CTSB: variants seen among roughly 807,000 people sequenced by gnomAD.
CTSB encodes APP secretase.
CTSB carries 57 observed loss-of-function variants against 44.3 expected under a neutral mutation model. The observed-to-expected ratio is 1.29, with a 90% CI of 1.04 to 1.60. The LOEUF is 1.60. Ranked by LOEUF, CTSB falls within the 40% of genes most tolerant of loss-of-function variation. The pLI is 0.00. For missense variants in CTSB, 768 were observed against 443.0 expected, an observed-to-expected ratio of 1.73 and a Z score of -6.59; for synonymous variants, 320 against 168.0, an observed-to-expected ratio of 1.91 and a Z score of -7.00.
chr8:11,862,124 G>T (rs1036805831), intron 1 of CTSB, among the ~76,000 whole-genome samples: 19 of 149,868 alleles, frequency 1.3e-4, no homozygotes, highest in African/African-American at 4.5e-4. Context: ...GGAGAATGGC[G>T]TGAACCCGGG....
intron 7 of CTSB, 106 bp downstream of exon 7, chr8:11,847,573 G>A (rs373000412): frequency 2.6e-5 from 33 of 1,282,782 alleles, no homozygotes; most frequent in South Asian, 2.2e-4. Context: ...CTAGAGTTCC[G>A]GGACCCCAAG....
In CTSB at chr8:11,844,881, G is replaced by C. The variant is rs778862896; in HGVS notation, c.*244C>G. 1 of 511,758 alleles carries C rather than the reference G, an allele frequency of 2.0e-6. No individual in the cohort carries two copies. The highest frequency in any genetic ancestry group is 3.5e-6 in the Non-Finnish European group (1 of 284,836). The allele number at this position is 511,758 out of a possible 1,614,324, so 31.7% of individuals were successfully genotyped here. The stretch of plus-strand genomic sequence containing the variant: ...AGCTGGGGCAGCAGGTACTCCCTAC[G>C]GCACTAGTCTACAGGGGGAAGGACG... On this transcript the variant is annotated 3_prime_UTR_variant, in exon 10 of 10. Coordinates refer to ENST00000353047, the MANE Select transcript of CTSB (RefSeq NM_001908.5).
chr8:11,847,107 G>A lies in CTSB; in HGVS notation c.738C>T (p.Asn246=), dbSNP rs751982569. ...CAGAGAAAGCTCCCTCCACGGGGCC[G>A]TTTTTGTAGATCTCGGCCATGATGT... ...EKDIMAEIYK[N]GPVEGAFSVY... is the part of the protein sequence containing the mutation. Residue 246 remains asparagine, a synonymous_variant, in exon 8 of 10, where the codon AAC becomes AAT. Coordinates refer to ENST00000353047, the MANE Select transcript of CTSB (RefSeq NM_001908.5). 29 of 1,613,746 alleles carry A rather than the reference G, an allele frequency of 1.8e-5. No homozygotes were observed. In the East Asian group the frequency reaches 3.6e-4, roughly 20 times the overall value.
chr8:11,845,458 C>G (rs535705701), intron 9 of CTSB, among the ~76,000 whole-genome samples: 7 of 152,340 alleles, frequency 4.6e-5, no homozygotes, highest in African/African-American at 1.7e-4. Flanking sequence ...GGAACTGTTG[C>G]AGGCGTTGGC....
intron 1 of CTSB, among the ~76,000 whole-genome samples, chr8:11,866,016 CAAA>C (rs796618698): frequency 3.7e-5 from 3 of 81,400 alleles, no homozygotes; most frequent in Admixed American, 1.4e-4. Context: ...GAGTGTGTCT[CAAA>C]AAAAAAAAAA....
rs709821 is a variant in CTSB at position 11,845,085 on chromosome 8, G to C, written c.*40C>G. The C allele has an allele frequency of 0.22, 296,645 of 1,321,342 alleles. 36,611 individuals are homozygous for C. Among genetic ancestry groups the C allele is most frequent in the Non-Finnish European group, 0.26 (235,314 of 913,716 alleles). The allele number at this position is 1,321,342 out of a possible 1,614,324, so 81.9% of individuals were successfully genotyped here. On this transcript the variant is annotated 3_prime_UTR_variant, in exon 10 of 10. Transcript: ENST00000353047. ...AAAGAATAAAATGCATTTCTACCCC[G>C]ATCTCGCCCCCAGGACTGGCACGAC...
intron 5 of CTSB, among the ~76,000 whole-genome samples, 160 bp downstream of exon 5, chr8:11,848,886 A>T (rs973529988): frequency 1.3e-5 from 2 of 152,186 alleles, no homozygotes; most frequent in South Asian, 2.1e-4. Flanking sequence ...CCCAGGAAGC[A>T]GCAGCCTTGC....
chr8:11,847,548 T>C, intron 7 of CTSB, 131 bp downstream of exon 7: 4 of 991,400 alleles, frequency 4.0e-6, no homozygotes, highest in South Asian at 1.9e-5. Context: ...AGGGCATCAC[T>C]CCCCCTCCTC....
intron 8 of CTSB, 44 bp downstream of exon 8, chr8:11,847,008 C>CCA: frequency 2.1e-6 from 2 of 969,000 alleles, no homozygotes; most frequent in Non-Finnish European, 1.7e-6. Context: ...CCAGGCTCCC[C>CCA]TCCCGACCCC....
chr8:11,866,434 A>T (rs917203200), intron 1 of CTSB, among the ~76,000 whole-genome samples: 2 of 152,260 alleles, frequency 1.3e-5, no homozygotes, highest in African/African-American at 4.8e-5. Context: ...GGGTACCCCC[A>T]GCTAGAGGAC....
intron 1 of CTSB, among the ~76,000 whole-genome samples, chr8:11,856,021 G>A (rs1417695123): frequency 6.6e-6 from 1 of 151,782 alleles, no homozygotes; most frequent in Non-Finnish European, 1.5e-5. Context: ...GTGAGACTCT[G>A]CCTCAAAAAT....
chr8:11,856,120 T>G (rs1016626713), intron 1 of CTSB, among the ~76,000 whole-genome samples: 3 of 151,882 alleles, frequency 2.0e-5, no homozygotes, highest in African/African-American at 7.3e-5. Context: ...TGGCAAGGGC[T>G]GGACAGTTTG....
chr8:11,855,316 G>A (rs1198044848), intron 1 of CTSB, among the ~76,000 whole-genome samples: 1 of 152,104 alleles, frequency 6.6e-6, no homozygotes, highest in African/African-American at 2.4e-5. Context: ...CACCGCACCA[G>A]GCCCACAGAT....
intron 1 of CTSB, among the ~76,000 whole-genome samples, chr8:11,855,242 G>A (rs1265095014): frequency 7.2e-5 from 11 of 152,066 alleles, no homozygotes; most frequent in African/African-American, 2.7e-4. Flanking sequence ...GGCTGGTCTC[G>A]AACGCCTGAC....
chr8:11,848,420 G>A (rs1185777328), intron 5 of CTSB: 3 of 585,054 alleles, frequency 5.1e-6, no homozygotes, highest in Non-Finnish European at 6.4e-6. Context: ...ACCAGACCAG[G>A]CTACGAGTGC....
intron 1 of CTSB, among the ~76,000 whole-genome samples, chr8:11,866,726 GGC>G (rs1817205405): frequency 6.6e-6 from 1 of 152,194 alleles, no homozygotes; most frequent in African/African-American, 2.4e-5. Context: ...TGGGCGTGGT[GGC>G]GGGCACCTGT....
chr8:11,846,358 G>A (rs1408238267), intron 8 of CTSB: 2 of 152,376 alleles, frequency 1.3e-5, no homozygotes, highest in African/African-American at 4.8e-5. Context: ...ACTATGCTAA[G>A]AAGTGCCATC....
intron 1 of CTSB, among the ~76,000 whole-genome samples, chr8:11,865,853 A>T (rs865866870): frequency 0.045 from 4,821 of 107,202 alleles, 271 homozygotes; most frequent in African/African-American, 0.16. Context: ...CTAAAAATAC[A>T]AAAAAAAAAA....
intron 1 of CTSB, chr8:11,854,975 A>G (rs1815275320): frequency 6.6e-6 from 1 of 152,318 alleles, no homozygotes; most frequent in Admixed American, 6.5e-5. Context: ...TGAAGTCTGA[A>G]TCTTCACACT....
Sources: gnomAD v4.1 joint callset for allele counts (sites outside exome capture counted in the v4.1 genomes callset) on GRCh38, gnomAD v4.1.1 for gene constraint, MANE v1.5 for transcripts, NCBI Gene and HGNC (gene_info 2026-07-23, HGNC 2026-07-21) for gene names.